IL1RAPL1: variants seen among roughly 807,000 people sequenced by gnomAD.
IL1RAPL1 encodes the protein interleukin-1 receptor accessory protein-like 1.
In IL1RAPL1, 3 loss-of-function variants were observed where a neutral mutation model predicts 48.4. That is an observed-to-expected ratio of 0.06 (90% CI 0.03 to 0.16). The LOEUF (loss-of-function observed/expected upper bound fraction) is 0.16, where lower values mean the gene tolerates loss of function less well. Among genes scored for constraint, IL1RAPL1 ranks in the 10% least tolerant of loss-of-function variants. The pLI, the probability that IL1RAPL1 is intolerant of heterozygous loss-of-function variation, is 1.00. For synonymous variants in IL1RAPL1, 185 were observed against 187.7 expected (o/e 0.99, Z 0.12); for missense variants, 349 against 530.6 (o/e 0.66, Z 3.36).
chrX:29,844,813 G>A (rs190335584), intron 6 of IL1RAPL1, among the ~76,000 whole-genome samples: 1 of 112,135 alleles, frequency 8.9e-6, no homozygotes, highest in Middle Eastern at 4.6e-3. Context: ...CAACTGTATT[G>A]TAAGATCTTT....
chrX:29,784,245 A>T (rs965221848), intron 6 of IL1RAPL1, among the ~76,000 whole-genome samples: 1 of 111,789 alleles, frequency 8.9e-6, no homozygotes, highest in Non-Finnish European at 1.9e-5. Context: ...TTCCTGGTTT[A>T]TGATTCCAGT....
At chrX:29,374,327 TTA>T (rs1286526349) in intron 3 of IL1RAPL1, among the ~76,000 whole-genome samples, 1 of 94,717 alleles carries the variant, frequency 1.1e-5, no homozygotes, top group Admixed American at 1.2e-4. Flanking sequence ...ATTGAGGAGG[TTA>T]TTTTATTTTA....
At chrX:29,148,122 AAAGT>A (rs1210216994) in intron 2 of IL1RAPL1, among the ~76,000 whole-genome samples, 1 of 112,204 alleles carries the variant, frequency 8.9e-6, no homozygotes, top group Non-Finnish European at 1.9e-5. Flanking sequence ...ATGTGTATGT[AAAGT>A]ATGTATAGAC....
At chrX:29,441,454 G>A (rs778015824) in intron 5 of IL1RAPL1, among the ~76,000 whole-genome samples, 6 of 112,010 alleles carry the variant, frequency 5.4e-5, no homozygotes, top group Non-Finnish European at 1.1e-4. Flanking sequence ...CATTGTTGAT[G>A]TATACTGGGA....
intron 2 of IL1RAPL1, among the ~76,000 whole-genome samples, chrX:29,154,413 G>A (rs1929526988): frequency 9.1e-6 from 1 of 110,159 alleles, no homozygotes; most frequent in African/African-American, 3.3e-5. Flanking sequence ...GGTGGCGCAT[G>A]CCTGTAATCC....
intron 6 of IL1RAPL1, among the ~76,000 whole-genome samples, chrX:29,763,936 T>C (rs1928814058): frequency 9.0e-6 from 1 of 110,852 alleles, no homozygotes; most frequent in Admixed American, 9.7e-5. Context: ...TCAAAGGCAG[T>C]ATTTAATACA....
In IL1RAPL1 at chrX:28,737,047, CT is replaced by C. The variant is rs1420761035; in HGVS notation, c.-24-52269del. The stretch of plus-strand genomic sequence containing the variant: ...GGGGCTGCTCAGCCCTGAATATTTC[CT>C]TTTCTTTTCTTTTCTTTTCTTTTCT... On this transcript the variant is annotated intron_variant, in intron 1 of 10. Transcript: ENST00000378993. 0.019 allele frequency among the ~76,000 whole-genome samples: 282 copies of C among 14,503 alleles called. 3 individuals are homozygous for C. The East Asian group carries it at 0.4, about 21-fold the overall frequency. The allele number at this position is 14,503 out of a possible 115,157, so 12.6% of individuals were successfully genotyped here.
intron 2 of IL1RAPL1, among the ~76,000 whole-genome samples, chrX:29,034,167 G>A (rs766343414): frequency 2.3e-4 from 26 of 111,346 alleles, no homozygotes; most frequent in Admixed American, 3.8e-4. Context: ...TCTTTATGTC[G>A]CAAGTATTTT....
chrX:29,638,912 C>A (rs185938533), intron 5 of IL1RAPL1, among the ~76,000 whole-genome samples: 47 of 112,211 alleles, frequency 4.2e-4, no homozygotes, highest in African/African-American at 1.3e-3. Flanking sequence ...TAAGGCCAGG[C>A]GCGGTGGCTC....
chrX:29,587,378 C>CG (rs1923209582), intron 5 of IL1RAPL1, among the ~76,000 whole-genome samples: 5 of 15,674 alleles, frequency 3.2e-4, no homozygotes, highest in South Asian at 2.8e-3. Context: ...AGGTTGTGGG[C>CG]GGGGGGTTGG....
At chrX:28,613,354 A>G (rs760699726) in intron 1 of IL1RAPL1, among the ~76,000 whole-genome samples, 121 of 112,572 alleles carry the variant, frequency 1.1e-3, no homozygotes, top group Non-Finnish European at 2.0e-3. Flanking sequence ...TGTGGGAAAC[A>G]GGGCATGTAT....
intron 8 of IL1RAPL1, among the ~76,000 whole-genome samples, chrX:29,925,412 GTTT>G (rs763481708): frequency 1.3e-3 from 15 of 11,459 alleles, no homozygotes; most frequent in African/African-American, 2.1e-3. Context: ...TCCCGTAACT[GTTT>G]TTTTTTTTTT....
At chrX:29,525,525 A>G (rs780521368) in intron 5 of IL1RAPL1, among the ~76,000 whole-genome samples, 107 of 111,984 alleles carry the variant, frequency 9.6e-4, no homozygotes, top group African/African-American at 2.9e-3. Flanking sequence ...TGATCAGTCA[A>G]GTCTCTAATC....
intron 8 of IL1RAPL1, among the ~76,000 whole-genome samples, chrX:29,921,719 A>C (rs1932849377): frequency 8.9e-6 from 1 of 111,973 alleles, no homozygotes; most frequent in African/African-American, 3.2e-5. Context: ...TCCCTTCTCA[A>C]GGAAGTCCAT....
At chrX:29,521,639 G>T (rs1023966307) in intron 5 of IL1RAPL1, among the ~76,000 whole-genome samples, 1 of 111,797 alleles carries the variant, frequency 8.9e-6, no homozygotes, top group Non-Finnish European at 1.9e-5. Flanking sequence ...ATCACGCTCA[G>T]CTCTAACTTG....
At chrX:29,823,996 G>A (rs1045676124) in intron 6 of IL1RAPL1, among the ~76,000 whole-genome samples, 2 of 111,064 alleles carry the variant, frequency 1.8e-5, no homozygotes, top group African/African-American at 3.3e-5. Context: ...TCACATCCCC[G>A]GATACCCATG....
intron 3 of IL1RAPL1, among the ~76,000 whole-genome samples, chrX:29,341,882 C>T (rs1041491690): frequency 9.0e-6 from 1 of 111,141 alleles, no homozygotes; most frequent in Non-Finnish European, 1.9e-5. Flanking sequence ...TCTCGGCTCA[C>T]GGCAACCTCT....
intron 1 of IL1RAPL1, among the ~76,000 whole-genome samples, chrX:28,688,645 C>T (rs1935141810): frequency 8.9e-6 from 1 of 111,833 alleles, no homozygotes; most frequent in Non-Finnish European, 1.9e-5. Context: ...TGGGGCTTGT[C>T]AAAAGCAATC....
chrX:29,418,112 TATATATATA>T (rs1934242421), intron 5 of IL1RAPL1, among the ~76,000 whole-genome samples: 17 of 49,024 alleles, frequency 3.5e-4, no homozygotes, highest in Non-Finnish European at 4.6e-4. Flanking sequence ...TATATATATA[TATATATATA>T]TATATTTTTT....
Sources: allele counts gnomAD v4.1 joint callset (sites outside exome capture counted in the v4.1 genomes callset), GRCh38; gene constraint gnomAD v4.1.1; transcripts MANE v1.5; gene names NCBI Gene and HGNC (gene_info 2026-07-23, HGNC 2026-07-21).